TRAPPC9: variants seen among roughly 807,000 people sequenced by gnomAD.
TRAPPC9 encodes trafficking protein particle complex subunit 9, also known as IKK2 binding protein.
Under a neutral mutation model 124.0 loss-of-function variants are expected in TRAPPC9, and 83 were observed. The observed-to-expected ratio is 0.67, with a 90% CI of 0.56 to 0.80. The LOEUF (loss-of-function observed/expected upper bound fraction) is 0.80. Among genes scored for constraint, TRAPPC9 ranks in the 30% least tolerant of loss-of-function variants. The pLI is 0.00. For synonymous variants in TRAPPC9, 638 were observed against 617.5 expected (o/e 1.03, Z -0.49); for missense variants, 1,302 against 1,508.3 (o/e 0.86, Z 2.27).
chr8:140,400,731 T>C (rs953372714), intron 6 of TRAPPC9, among the ~76,000 whole-genome samples: 49 of 151,966 alleles, frequency 3.2e-4, no homozygotes, highest in African/African-American at 1.1e-3. Flanking sequence ...CCACCCCCTC[T>C]TACACACCAT....
At chr8:140,272,130 C>CAATGGTGATGGT (rs1450234909) in intron 15 of TRAPPC9, among the ~76,000 whole-genome samples, 1 of 100,382 alleles carries the variant, frequency 1.0e-5, no homozygotes, top group Admixed American at 1.0e-4. Context: ...GTGATGGTGG[C>CAATGGTGATGGT]GATGGTGATG....
intron 11 of TRAPPC9, 24 bp from the exon 12 acceptor site, chr8:140,291,102 G>T: frequency 6.3e-7 from 1 of 1,597,790 alleles, no homozygotes; most frequent in Non-Finnish European, 8.6e-7. Flanking sequence ...ACACATAAAT[G>T]AATCCATGTA....
At chr8:139,945,543 C>CAAAAAA (rs61528944) in intron 19 of TRAPPC9, among the ~76,000 whole-genome samples, 27 of 66,168 alleles carry the variant, frequency 4.1e-4, no homozygotes, top group South Asian at 1.7e-3. Context: ...GCACAATTAG[C>CAAAAAA]AAAAAAAAAA....
At chr8:139,899,408 T>C (rs997310362) in intron 20 of TRAPPC9, among the ~76,000 whole-genome samples, 11 of 151,914 alleles carry the variant, frequency 7.2e-5, no homozygotes, top group African/African-American at 2.7e-4. Flanking sequence ...ATTAAGAAAA[T>C]CATGAGGAAG....
chr8:140,161,717 A>G (rs563283388), intron 17 of TRAPPC9, among the ~76,000 whole-genome samples: 1 of 152,236 alleles, frequency 6.6e-6, no homozygotes, highest in East Asian at 1.9e-4. Flanking sequence ...CCCGATCTGC[A>G]CAACTGTTCA....
At chr8:140,255,611 C>T (rs1026962707) in intron 15 of TRAPPC9, among the ~76,000 whole-genome samples, 1 of 152,198 alleles carries the variant, frequency 6.6e-6, no homozygotes, top group African/African-American at 2.4e-5. Context: ...GTGGACCGGG[C>T]GCAGTGACTC....
chr8:140,033,739 G>T (rs1840701403), intron 17 of TRAPPC9, among the ~76,000 whole-genome samples: 1 of 131,556 alleles, frequency 7.6e-6, no homozygotes, highest in African/African-American at 3.0e-5. Context: ...TGGAGTGCAG[G>T]GGCGTGATCT....
intron 15 of TRAPPC9, among the ~76,000 whole-genome samples, chr8:140,272,131 G>GATGATGATGGTGATGGTGGCA (rs1563903603): frequency 2.3e-4 from 13 of 55,332 alleles, no homozygotes; most frequent in African/African-American, 1.4e-3. Flanking sequence ...TGATGGTGGC[G>GATGATGATGGTGATGGTGGCA]ATGGTGATGG....
At chr8:140,161,888 C>T (rs1181456015) in intron 17 of TRAPPC9, among the ~76,000 whole-genome samples, 2 of 152,088 alleles carry the variant, frequency 1.3e-5, no homozygotes, top group Admixed American at 6.5e-5. Flanking sequence ...CCCAGAGCAG[C>T]GGCATGGTGC....
chr8:140,416,272 T>A (rs1296154648), intron 5 of TRAPPC9, among the ~76,000 whole-genome samples: 1 of 152,190 alleles, frequency 6.6e-6, no homozygotes, highest in Non-Finnish European at 1.5e-5. Context: ...ACCAATGAAT[T>A]ATCTAATTTA....
At chr8:139,969,013 A>G (rs896832082) in intron 19 of TRAPPC9, among the ~76,000 whole-genome samples, 3 of 152,198 alleles carry the variant, frequency 2.0e-5, no homozygotes, top group Non-Finnish European at 2.9e-5. Context: ...CAGGAACAGG[A>G]GTCATGGTTT....
At chr8:140,125,625 C>T (rs1311512365) in intron 17 of TRAPPC9, among the ~76,000 whole-genome samples, 2 of 125,038 alleles carry the variant, frequency 1.6e-5, no homozygotes, top group Admixed American at 9.1e-5. Context: ...GATGGAGCCT[C>T]GCTCTGTCAC....
At chr8:140,457,338 C>G (rs536585435) in intron 1 of TRAPPC9, among the ~76,000 whole-genome samples, 41 of 152,312 alleles carry the variant, frequency 2.7e-4, no homozygotes, top group African/African-American at 9.1e-4. Flanking sequence ...AGAGCAGAGC[C>G]GGCCCGGGCA....
intron 17 of TRAPPC9, among the ~76,000 whole-genome samples, chr8:140,083,282 T>A (rs1047641878): frequency 4.6e-5 from 7 of 152,214 alleles, no homozygotes; most frequent in African/African-American, 1.7e-4. Flanking sequence ...TCCACGGAGA[T>A]ATCAAACAGT....
At chr8:139,766,650 G>A (rs373327875) in intron 21 of TRAPPC9, among the ~76,000 whole-genome samples, 2 of 152,182 alleles carry the variant, frequency 1.3e-5, no homozygotes, top group African/African-American at 2.4e-5. Context: ...CCGGCATCAC[G>A]TGGGGACTCA....
intron 19 of TRAPPC9, among the ~76,000 whole-genome samples, chr8:139,974,709 C>T (rs761594147): frequency 7.2e-5 from 11 of 152,094 alleles, no homozygotes; most frequent in Non-Finnish European, 1.5e-4. Flanking sequence ...ACTGTGCCGG[C>T]TCCTGCTGTG....
chr8:140,248,684 T>C (rs1325820602), intron 16 of TRAPPC9, among the ~76,000 whole-genome samples: 3 of 152,230 alleles, frequency 2.0e-5, no homozygotes, highest in African/African-American at 7.2e-5. Flanking sequence ...GGACTTCTAA[T>C]TTTAAACATA....
At chr8:140,145,742 C>T (rs920359440) in intron 17 of TRAPPC9, among the ~76,000 whole-genome samples, 2 of 151,826 alleles carry the variant, frequency 1.3e-5, no homozygotes, top group African/African-American at 4.8e-5. Flanking sequence ...ATGCTAAAAT[C>T]CTAGTCACTG....
chr8:140,047,378 T>A (rs1447659533), intron 17 of TRAPPC9, among the ~76,000 whole-genome samples: 2 of 152,178 alleles, frequency 1.3e-5, no homozygotes, highest in African/African-American at 2.4e-5. Flanking sequence ...AGAGCCCGAA[T>A]GCGAAGGGTA....
Sources: allele counts gnomAD v4.1 joint callset (sites outside exome capture counted in the v4.1 genomes callset), GRCh38; gene constraint gnomAD v4.1.1; transcripts MANE v1.5; gene names NCBI Gene and HGNC (gene_info 2026-07-23, HGNC 2026-07-21).